The following POLA2 variants were observed in gnomAD, a reference collection of about 807,000 sequenced individuals.
The protein encoded by POLA2 is DNA polymerase alpha 2, accessory subunit.
POLA2 carries 47 observed loss-of-function variants against 82.8 expected under a neutral mutation model. The observed-to-expected ratio is 0.57, with a 90% CI of 0.45 to 0.72. The LOEUF (loss-of-function observed/expected upper bound fraction) is 0.72, where lower values mean the gene tolerates loss of function less well. Ranked by LOEUF, POLA2 falls within the 30% of genes least tolerant of loss-of-function variation. The pLI, the probability that POLA2 is intolerant of heterozygous loss-of-function variation, is 0.00. For synonymous variants in POLA2, 287 were observed against 286.8 expected (o/e 1.00, Z -0.01); for missense variants, 634 against 728.1 (o/e 0.87, Z 1.49).
exon 9 of POLA2, chr11:65,305,455 G>C (rs1216509191): frequency 6.6e-6 from 3 of 452,224 alleles, no homozygotes; most frequent in South Asian, 3.1e-5. Context: ...CCTGTTGACT[G>C]TGTGGGGGCC....
At chr11:65,292,065 C>A (rs868462278) in intron 13 of POLA2, among the ~76,000 whole-genome samples, 1 of 152,162 alleles carries the variant, frequency 6.6e-6, no homozygotes, top group African/African-American at 2.4e-5. Flanking sequence ...ACGGCGAAAC[C>A]CCATCTCTAC....
intron 9 of POLA2, among the ~76,000 whole-genome samples, chr11:65,282,162 C>A (rs1321078536): frequency 1.3e-5 from 2 of 152,234 alleles, no homozygotes; most frequent in Non-Finnish European, 2.9e-5. Context: ...AGAAACCATT[C>A]TCTCCCATCC....
At chr11:65,286,049 C>T (rs530003941) in intron 10 of POLA2, among the ~76,000 whole-genome samples, 67 of 152,204 alleles carry the variant, frequency 4.4e-4, no homozygotes, top group African/African-American at 1.5e-3. Context: ...TAAGTTAAGG[C>T]TGTTGAGATG....
intron 4 of POLA2, among the ~76,000 whole-genome samples, chr11:65,271,934 C>A (rs559654641): frequency 6.6e-6 from 1 of 151,504 alleles, no homozygotes; most frequent in East Asian, 1.9e-4. Flanking sequence ...GCTAGAGATA[C>A]GTAAAATGCT....
intron 1 of POLA2, among the ~76,000 whole-genome samples, chr11:65,264,216 C>T (rs548996796): frequency 1.3e-4 from 20 of 152,082 alleles, no homozygotes; most frequent in East Asian, 1.9e-4. Context: ...TACAGGCTCC[C>T]GCCACCACGC....
chr11:65,281,616 C>A, intron 8 of POLA2, 54 bp from the exon 9 acceptor site: 1 of 1,239,362 alleles, frequency 8.1e-7, no homozygotes, highest in Non-Finnish European at 1.2e-6. Context: ...ATAATGTATT[C>A]CAGACCTCAT....
intron 5 of POLA2, among the ~76,000 whole-genome samples, chr11:65,278,156 G>A (rs534545765): frequency 6.6e-6 from 1 of 152,288 alleles, no homozygotes; most frequent in African/African-American, 2.4e-5. Context: ...TGAGAACTTG[G>A]CAGTTGAGCC....
At chr11:65,288,512 G>GTTTTTTTTTTTTTTTTT (rs572913995) in intron 11 of POLA2, among the ~76,000 whole-genome samples, 1 of 119,950 alleles carries the variant, frequency 8.3e-6, no homozygotes, top group South Asian at 2.6e-4. Context: ...TTTGTTTTTT[G>GTTTTTTTTTTTTTTTTT]TTTTTTTTTT....
At chr11:65,265,987 A>G (rs1413208111) in intron 1 of POLA2, among the ~76,000 whole-genome samples, 2 of 152,036 alleles carry the variant, frequency 1.3e-5, no homozygotes, top group African/African-American at 4.8e-5. Flanking sequence ...CTCCGCCCAC[A>G]ACCCTTGCCT....
At chr11:65,274,286 AGTTGCAGTGAGCTGAG>A (rs1275233667) in intron 4 of POLA2, among the ~76,000 whole-genome samples, 1 of 151,592 alleles carries the variant, frequency 6.6e-6, no homozygotes, top group Admixed American at 6.6e-5. Flanking sequence ...CGGGAGGTGG[AGTTGCAGTGAGCTGAG>A]GTTGCAGTGA....
chr11:65,302,639 C>T (rs2137621307), downstream of POLA2, among the ~76,000 whole-genome samples: 1 of 152,252 alleles, frequency 6.6e-6, no homozygotes, highest in African/African-American at 2.4e-5. Flanking sequence ...ATAGTAGTTG[C>T]CTCTGGGGAC....
chr11:65,287,276 T>C (rs1472750808), intron 10 of POLA2, among the ~76,000 whole-genome samples: 1 of 152,128 alleles, frequency 6.6e-6, no homozygotes, highest in Non-Finnish European at 1.5e-5. Flanking sequence ...GGCCTGTCTT[T>C]CTGGGCTCTT....
In POLA2 at chr11:65,275,908, C is replaced by A. The variant is rs373779147; in HGVS notation, c.371C>A (p.Ala124Asp). Residue 124 changes from alanine (A) to aspartate (D), a missense_variant, in exon 5 of 18, where the codon GCT becomes GAT. Transcript: ENST00000265465. ...TTPSKGSQKR[A>D]ISTPETPLTK... The stretch of plus-strand genomic sequence containing the variant: ...TTTCCCTAGGGTTCTCAGAAGCGAG[C>A]TATCTCTACCCCAGAAACCCCCCTA... The A allele has an allele frequency of 6.2e-7, 1 of 1,605,640 alleles. No homozygotes were observed. The highest frequency in any genetic ancestry group is 1.3e-5 in the African/African-American group (1 of 74,732).
intron 10 of POLA2, among the ~76,000 whole-genome samples, chr11:65,283,978 A>G (rs925458869): frequency 6.6e-6 from 1 of 151,770 alleles, no homozygotes; most frequent in African/African-American, 2.4e-5. Flanking sequence ...CAAAAAAAAA[A>G]AAAAAATTAG....
At chr11:65,269,441 C>T (rs887019078) in intron 4 of POLA2, among the ~76,000 whole-genome samples, 4 of 150,810 alleles carry the variant, frequency 2.7e-5, no homozygotes, top group South Asian at 2.1e-4. Context: ...GAGCCGAGAT[C>T]GCGCTACTGC....
At chr11:65,291,331 T>C (rs1300336137) in intron 13 of POLA2, among the ~76,000 whole-genome samples, 1 of 152,238 alleles carries the variant, frequency 6.6e-6, no homozygotes, top group African/African-American at 2.4e-5. Context: ...AGTTGTAACA[T>C]TACCTTCTTG....
chr11:65,273,908 C>CCT (rs1565473214), intron 4 of POLA2, among the ~76,000 whole-genome samples: 4 of 152,010 alleles, frequency 2.6e-5, no homozygotes, highest in African/African-American at 9.7e-5. Context: ...CATGAAGATA[C>CCT]GCATTTTAGC....
chr11:65,296,064 A>C, intron 17 of POLA2, 74 bp downstream of exon 17: 4 of 1,562,702 alleles, frequency 2.6e-6, no homozygotes, highest in Non-Finnish European at 3.5e-6. Flanking sequence ...ACCACCCGGC[A>C]CTCACCCCTC....
intron 17 of POLA2, 59 bp from the exon 18 acceptor site, chr11:65,297,059 TCA>T (rs1949817974): frequency 6.3e-7 from 1 of 1,588,378 alleles, no homozygotes; most frequent in Non-Finnish European, 8.6e-7. Flanking sequence ...CACTTCTTTT[TCA>T]CATTGGTTCC....
Sources: allele counts gnomAD v4.1 joint callset (sites outside exome capture counted in the v4.1 genomes callset), GRCh38; gene constraint gnomAD v4.1.1; transcripts MANE v1.5; gene names NCBI Gene and HGNC (gene_info 2026-07-23, HGNC 2026-07-21).